PCSK6: variants seen among roughly 807,000 people sequenced by gnomAD.
PCSK6 encodes proprotein convertase subtilisin/kexin type 6.
PCSK6 carries 85 observed loss-of-function variants against 123.3 expected under a neutral mutation model. The observed-to-expected ratio is 0.69, with a 90% CI of 0.58 to 0.83. The LOEUF is 0.83. PCSK6 is among the 40% of genes least tolerant of loss of function. The pLI is 0.00. For missense variants in PCSK6, 1,191 were observed against 1,282.3 expected (o/e 0.93, Z 1.09); for synonymous variants, 508 against 516.0 (o/e 0.98, Z 0.21).
intron 6 of PCSK6, among the ~76,000 whole-genome samples, chr15:101,412,667 C>G (rs528832961): frequency 1.5e-5 from 2 of 132,728 alleles, no homozygotes; most frequent in Non-Finnish European, 3.2e-5. Context: ...ACCCACAGGA[C>G]AGAAGAAAGA....
chr15:101,370,514 G>C lies in PCSK6; in HGVS notation c.1542C>G (p.Pro514=), dbSNP rs1222123993. The change falls in exon 12 of 22, where the codon CCC becomes CCG. Residue 514 remains proline, a synonymous_variant. Transcript: ENST00000611716. ...AASDKRPRSI[P]LVQVLRTTAL... is the part of the protein sequence containing the mutation. ...CCGTAGTCCGCAGCACCTGCACTAA[G>C]GGGATGCTCCTGGGGGAGAAGGGAG... The C allele has an allele frequency of 1.3e-6, 2 of 1,500,604 alleles. No individual in the cohort carries two copies. The highest frequency in any genetic ancestry group is 2.6e-5 in the South Asian group (2 of 77,706). 93.0% of individuals were successfully genotyped at this position (1,500,604 alleles called of 1,614,324 possible). A position where few individuals can be genotyped will look rare whatever the true frequency, so the allele number is the denominator to read the frequency against.
At chr15:101,324,438 A>T (rs1289754722) in intron 17 of PCSK6, among the ~76,000 whole-genome samples, 1 of 152,210 alleles carries the variant, frequency 6.6e-6, no homozygotes, top group African/African-American at 2.4e-5. Context: ...AGAGAAGCCG[A>T]TGGCATAGTC....
intron 13 of PCSK6, among the ~76,000 whole-genome samples, chr15:101,345,360 A>G (rs1408886830): frequency 6.6e-6 from 1 of 152,256 alleles, no homozygotes; most frequent in Non-Finnish European, 1.5e-5. Flanking sequence ...AGTTTTATAT[A>G]TCTTTTATTT....
At position 101,331,932 on chromosome 15, in the gene PCSK6, G is replaced by A. The variant is rs2040379733; in HGVS notation, c.1958C>T (p.Ser653Leu). The change falls in exon 14 of 22, where the codon TCA (serine) becomes TTA (leucine). Residue 653 changes from serine (S) to leucine (L), a missense_variant. Around this residue, in one of 3 missense-constraint regions of PCSK6, gnomAD observed 630 missense variants for 631.4 expected, o/e 1.00. Coordinates refer to ENST00000611716, the MANE Select transcript of PCSK6 (RefSeq NM_002570.5). ...HQSRSRMLEL[S>L]APELEPPKAA... Reference sequence around the variant, plus strand: ...CTTGGGTGGCTCCAGCTCTGGGGCTGAGAGCTCCAGCATCCGCGAGCGGGA... The same window carrying A: ...CTTGGGTGGCTCCAGCTCTGGGGCTAAGAGCTCCAGCATCCGCGAGCGGGA... The A allele has an allele frequency of 6.2e-7, 1 of 1,613,918 alleles. No homozygotes were observed. Among genetic ancestry groups the A allele is most frequent in the Admixed American group, 1.7e-5 (1 of 60,016 alleles).
chr15:101,398,350 G>A lies in PCSK6; in HGVS notation c.996+54C>T. 11 of 1,543,016 alleles carry A rather than the reference G, an allele frequency of 7.1e-6. No individual in the cohort carries two copies. The highest frequency in any genetic ancestry group is 9.7e-6 in the Non-Finnish European group (11 of 1,136,778). ...GTGTCACTCTGATACTTGTTAAAAT[G>A]TTTACTGTCACCCTTGTCCCAGAGC... On this transcript the variant is annotated intron_variant, in intron 7 of 21. Transcript: ENST00000611716. This position sits in a 1 kb window ranked among gnomAD's most constrained non-coding sequence, Gnocchi z 4.6.
intron 12 of PCSK6, among the ~76,000 whole-genome samples, chr15:101,369,011 G>C (rs1487520437): frequency 1.3e-5 from 2 of 152,188 alleles, no homozygotes; most frequent in Admixed American, 1.3e-4. Context: ...CCGGCAGGAG[G>C]GAGAGGTGCC....
In PCSK6 at chr15:101,315,693, G is replaced by A. The variant is rs184292875; in HGVS notation, c.2570-2188C>T. Among the ~76,000 whole-genome samples, 423 of 152,390 alleles carry A rather than the reference G, an allele frequency of 2.8e-3. 1 individual carries two copies. Among genetic ancestry groups the A allele is most frequent in the Admixed American group, 4.6e-3 (70 of 15,306 alleles). On this transcript the variant is annotated intron_variant, in intron 19 of 21. Coordinates refer to ENST00000611716, the MANE Select transcript of PCSK6 (RefSeq NM_002570.5). ...GGACGCTCATGCTTGAGGGCTGACCGTCACAGGTGCTTGGGGCACTGCCCC... is the reference window on the plus strand; with the variant it reads ...GGACGCTCATGCTTGAGGGCTGACCATCACAGGTGCTTGGGGCACTGCCCC...
At chr15:101,465,224 A>G (rs940226921) in intron 1 of PCSK6, among the ~76,000 whole-genome samples, 8 of 152,208 alleles carry the variant, frequency 5.3e-5, no homozygotes, top group Non-Finnish European at 1.2e-4. Flanking sequence ...CCAGACTCGC[A>G]TGGCCACTTG....
intron 1 of PCSK6, 41 bp from the exon 2 acceptor site, chr15:101,443,701 A>C: frequency 8.9e-5 from 129 of 1,446,988 alleles, no homozygotes; most frequent in Middle Eastern, 1.7e-4. Flanking sequence ...TAATAGTCTC[A>C]CGAACAGCTT....
At chr15:101,441,963 C>T (rs534949746) in intron 2 of PCSK6, among the ~76,000 whole-genome samples, 42 of 152,318 alleles carry the variant, frequency 2.8e-4, no homozygotes, top group African/African-American at 7.5e-4. Flanking sequence ...ACAGAACTCA[C>T]GCCTCCTCCG....
chr15:101,486,181 CT>C (rs1191996402), intron 1 of PCSK6, among the ~76,000 whole-genome samples: 2 of 152,076 alleles, frequency 1.3e-5, no homozygotes, highest in African/African-American at 4.8e-5. Flanking sequence ...TCTGGCTGGT[CT>C]CGAACTCCTG....
At chr15:101,413,792 C>T (rs988668599) in intron 6 of PCSK6, among the ~76,000 whole-genome samples, 1 of 152,072 alleles carries the variant, frequency 6.6e-6, no homozygotes, top group Non-Finnish European at 1.5e-5. Flanking sequence ...AGAAAACATT[C>T]ACAGGTACCT....
chr15:101,347,077 A>G, intron 13 of PCSK6: 5 of 1,231,752 alleles, frequency 4.1e-6, no homozygotes, highest in Middle Eastern at 6.2e-4. Flanking sequence ...GAGTGTGCCA[A>G]GTTCTTCAGC....
At chr15:101,349,278 T>C (rs1188923286) in intron 13 of PCSK6, among the ~76,000 whole-genome samples, 1 of 152,188 alleles carries the variant, frequency 6.6e-6, no homozygotes, top group Non-Finnish European at 1.5e-5. Context: ...TAGCAAAGTT[T>C]TGTTTGTTTT....
chr15:101,488,114 A>T (rs967722717), intron 1 of PCSK6, among the ~76,000 whole-genome samples: 1 of 152,144 alleles, frequency 6.6e-6, no homozygotes, highest in Non-Finnish European at 1.5e-5. Flanking sequence ...ATGCAGAACT[A>T]ATGTCATTTC....
chr15:101,355,893 C>T lies in PCSK6; in HGVS notation c.1858+10303G>A, dbSNP rs1564637. Among the ~76,000 whole-genome samples, 1,952 of 152,204 alleles carry T rather than the reference C, an allele frequency of 0.013. 107 individuals are homozygous for T. In the East Asian group the frequency reaches 0.16, roughly 13 times the overall value. ...AACGTAGGCTCCGAGGCAAGAAGGG[C>T]GGGCTGGGAAGGCTCCTCTCTTCAG... On this transcript the variant is annotated intron_variant, in intron 13 of 21. Coordinates refer to ENST00000611716, the MANE Select transcript of PCSK6 (RefSeq NM_002570.5).
chr15:101,328,728 G>A (rs2040312676), intron 15 of PCSK6, among the ~76,000 whole-genome samples: 2 of 152,186 alleles, frequency 1.3e-5, no homozygotes, highest in Admixed American at 1.3e-4. Flanking sequence ...ACACTGCACT[G>A]AGGTCACCCA....
At chr15:101,467,100 C>T (rs1025038476) in intron 1 of PCSK6, among the ~76,000 whole-genome samples, 3 of 149,812 alleles carry the variant, frequency 2.0e-5, no homozygotes, top group Non-Finnish European at 2.9e-5. Context: ...ACACCCCATA[C>T]AGGTAAAAAA....
At chr15:101,466,827 T>C (rs1469308275) in intron 1 of PCSK6, among the ~76,000 whole-genome samples, 1 of 152,002 alleles carries the variant, frequency 6.6e-6, no homozygotes, top group Non-Finnish European at 1.5e-5. Flanking sequence ...AGTAGATGAG[T>C]GGCTGCTTAG....
Sources: allele counts gnomAD v4.1 joint callset (sites outside exome capture counted in the v4.1 genomes callset), GRCh38; gene constraint gnomAD v4.1.1; regional missense constraint gnomAD v4.1.1; non-coding constraint Gnocchi (gnomAD v3.1); transcripts MANE v1.5; gene names NCBI Gene and HGNC (gene_info 2026-07-23, HGNC 2026-07-21).